The following ERBB4 variants were observed in gnomAD, a reference collection of about 807,000 sequenced individuals.
The protein encoded by ERBB4 is erb-b2 receptor tyrosine kinase 4.
A neutral mutation model predicts 158.0 loss-of-function variants in ERBB4; 42 were observed. That is an observed-to-expected ratio of 0.27 (90% confidence interval 0.21 to 0.34). The LOEUF (loss-of-function observed/expected upper bound fraction) is 0.34, where lower values mean the gene tolerates loss of function less well. Ranked by LOEUF, ERBB4 falls within the 10% of genes least tolerant of loss-of-function variation. ERBB4 has a pLI of 1.00. For synonymous variants in ERBB4, 583 were observed against 558.7 expected (o/e 1.04, Z -0.61); for missense variants, 1,333 against 1,624.1 (o/e 0.82, Z 3.08).
intron 1 of ERBB4, among the ~76,000 whole-genome samples, chr2:212,244,888 A>G (rs1366157305): frequency 6.6e-6 from 1 of 152,124 alleles, no homozygotes; most frequent in Non-Finnish European, 1.5e-5. Context: ...CCAGACACAC[A>G]TTCTTACAAG....
chr2:212,516,906 G>C (rs1691877759), intron 1 of ERBB4, among the ~76,000 whole-genome samples: 1 of 152,108 alleles, frequency 6.6e-6, no homozygotes, highest in Admixed American at 6.6e-5. Flanking sequence ...AGAATGTGTT[G>C]AATGTCTATG....
chr2:212,279,631 G>A (rs2085676956), intron 1 of ERBB4, among the ~76,000 whole-genome samples: 1 of 151,504 alleles, frequency 6.6e-6, no homozygotes, highest in African/African-American at 2.4e-5. Context: ...TTAAAAGATA[G>A]CTTTTGCTTT....
intron 3 of ERBB4, among the ~76,000 whole-genome samples, chr2:211,849,768 A>G (rs1481621766): frequency 6.6e-6 from 1 of 152,004 alleles, no homozygotes; most frequent in Non-Finnish European, 1.5e-5. Context: ...TTTTATTAAG[A>G]TCATCTTTCT....
At chr2:211,449,085 A>G (rs2064180106) in intron 20 of ERBB4, among the ~76,000 whole-genome samples, 1 of 152,120 alleles carries the variant, frequency 6.6e-6, no homozygotes, top group South Asian at 2.1e-4. Context: ...TTAGTACCCA[A>G]TAGTGTACCT....
chr2:212,299,657 T>G, intron 1 of ERBB4, among the ~76,000 whole-genome samples: 1 of 151,632 alleles, frequency 6.6e-6, no homozygotes, highest in East Asian at 2.0e-4. Flanking sequence ...TAATAGCCCA[T>G]ATAATGCCAG....
chr2:212,232,377 T>A (rs2083697692), intron 1 of ERBB4, among the ~76,000 whole-genome samples: 1 of 151,752 alleles, frequency 6.6e-6, no homozygotes, highest in South Asian at 2.1e-4. Flanking sequence ...GATATAAGAG[T>A]TTTCAGGGGA....
intron 20 of ERBB4, among the ~76,000 whole-genome samples, chr2:211,450,101 T>G (rs866048148): frequency 3.3e-5 from 5 of 152,182 alleles, no homozygotes; most frequent in Non-Finnish European, 5.9e-5. Context: ...AGTTGGAATT[T>G]TAACTGAGGC....
intron 2 of ERBB4, among the ~76,000 whole-genome samples, chr2:211,973,932 G>A (rs1233450654): frequency 6.6e-6 from 1 of 152,168 alleles, no homozygotes; most frequent in Non-Finnish European, 1.5e-5. Flanking sequence ...CCTTTACAGG[G>A]ACATGAATTA....
At position 212,408,986 on chromosome 2, in the gene ERBB4, C is replaced by A. The variant is rs539015256; in HGVS notation, c.82+129463G>T. Reference sequence around the variant, plus strand: ...GCTACTACATTCTTCAAATAGAATTCCTTTCCTCTTGGCTAATTCTCTTTA... The same window carrying A: ...GCTACTACATTCTTCAAATAGAATTACTTTCCTCTTGGCTAATTCTCTTTA... On this transcript the variant is annotated intron_variant, in intron 1 of 27. Coordinates refer to ENST00000342788, the MANE Select transcript of ERBB4 (RefSeq NM_005235.3). Among the ~76,000 whole-genome samples, 4 of 152,258 alleles carry A rather than the reference C, an allele frequency of 2.6e-5. No individual in the cohort carries two copies. In the East Asian group the frequency reaches 7.7e-4, roughly 29 times the overall value.
intron 1 of ERBB4, among the ~76,000 whole-genome samples, chr2:212,439,541 C>A (rs1170649858): frequency 6.6e-6 from 1 of 152,054 alleles, no homozygotes; most frequent in East Asian, 1.9e-4. Context: ...GTATGAAATT[C>A]TGCTGCTATA....
At chr2:211,880,584 C>T (rs1390828593) in intron 3 of ERBB4, among the ~76,000 whole-genome samples, 1 of 152,086 alleles carries the variant, frequency 6.6e-6, no homozygotes, top group African/African-American at 2.4e-5. Context: ...CCAAAATAAA[C>T]CCATACTAAC....
At chr2:212,351,269 C>T (rs1361862950) in intron 1 of ERBB4, among the ~76,000 whole-genome samples, 5 of 152,096 alleles carry the variant, frequency 3.3e-5, no homozygotes, top group African/African-American at 1.2e-4. Context: ...TAGCTACCCA[C>T]AAGACACAAG....
At chr2:212,168,834 T>C (rs2081426437) in intron 1 of ERBB4, among the ~76,000 whole-genome samples, 1 of 152,154 alleles carries the variant, frequency 6.6e-6, no homozygotes, top group Admixed American at 6.6e-5. Flanking sequence ...AGAATCTTTG[T>C]AAAGAATGAT....
intron 3 of ERBB4, among the ~76,000 whole-genome samples, chr2:211,874,019 G>A (rs1324305834): frequency 6.6e-6 from 1 of 151,932 alleles, no homozygotes; most frequent in East Asian, 1.9e-4. Flanking sequence ...GTTAAATACA[G>A]CCAGACATGG....
intron 20 of ERBB4, among the ~76,000 whole-genome samples, chr2:211,549,106 G>A (rs1234735242): frequency 1.3e-5 from 2 of 152,036 alleles, no homozygotes; most frequent in Non-Finnish European, 2.9e-5. Context: ...GACGTTTTGT[G>A]CTTGCTACTT....
intron 2 of ERBB4, among the ~76,000 whole-genome samples, chr2:212,122,984 C>T (rs890605915): frequency 1.1e-4 from 16 of 152,092 alleles, no homozygotes; most frequent in Admixed American, 3.3e-4. Context: ...ATTTCCTTTC[C>T]CTGCTTCAGA....
At chr2:211,939,871 C>G (rs1201049467) in intron 3 of ERBB4, among the ~76,000 whole-genome samples, 2 of 151,188 alleles carry the variant, frequency 1.3e-5, no homozygotes, top group Non-Finnish European at 2.9e-5. Flanking sequence ...GGCATGAACC[C>G]GGGAGGTGGA....
At chr2:212,003,486 C>A (rs1202173925) in intron 2 of ERBB4, among the ~76,000 whole-genome samples, 1 of 151,964 alleles carries the variant, frequency 6.6e-6, no homozygotes, top group African/African-American at 2.4e-5. Flanking sequence ...GCCAGGGAAC[C>A]TAACAGCCAA....
At chr2:212,527,408 T>C (rs189830924) in intron 1 of ERBB4, among the ~76,000 whole-genome samples, 5 of 152,234 alleles carry the variant, frequency 3.3e-5, no homozygotes, top group Admixed American at 3.3e-4. Flanking sequence ...AGCAATGCAT[T>C]CTTCCTCATT....
Sources: gnomAD v4.1 joint callset for allele counts (sites outside exome capture counted in the v4.1 genomes callset) on GRCh38, gnomAD v4.1.1 for gene constraint, MANE v1.5 for transcripts, NCBI Gene and HGNC (gene_info 2026-07-23, HGNC 2026-07-21) for gene names.